IGSF10: variants seen among roughly 807,000 people sequenced by gnomAD.
The protein encoded by IGSF10 is immunoglobulin superfamily member 10, also known as calvaria mechanical force protein 608.
Under a neutral mutation model 128.2 loss-of-function variants are expected in IGSF10, and 126 were observed. The ratio of observed to expected loss-of-function variants is 0.98; its 90% CI spans 0.85 to 1.14. IGSF10 has a LOEUF of 1.14. IGSF10 is among the 50% of genes most tolerant of loss of function. IGSF10 has a pLI of 0.00. For synonymous variants in IGSF10, 1,185 were observed against 1,146.2 expected (o/e 1.03, Z -0.68); for missense variants, 3,295 against 3,149.8 (o/e 1.05, Z -1.10).
At chr3:151,548,835 T>C in the IGSF10 span, among the ~76,000 whole-genome samples, 1 of 151,958 alleles carries the variant, frequency 6.6e-6, no homozygotes, top group Non-Finnish European at 1.5e-5. Context: ...TTTTCTTTTA[T>C]TTTCCAGCTC....
At chr3:151,520,256 A>T in the IGSF10 span, among the ~76,000 whole-genome samples, 3 of 151,832 alleles carry the variant, frequency 2.0e-5, no homozygotes, top group Middle Eastern at 3.2e-3. Flanking sequence ...GTTTTATAGA[A>T]TACTGCAGAG....
At chr3:151,566,046 A>T in the IGSF10 span, 20 of 153,580 alleles carry the variant, frequency 1.3e-4, no homozygotes, top group African/African-American at 4.6e-4. Flanking sequence ...GCAGAAAGCA[A>T]CTGAGGCAGT....
chr3:151,460,344 A>C lies in IGSF10; in HGVS notation c.-85T>G. On this transcript the variant is annotated 5_prime_UTR_variant, in exon 2 of 8. Coordinates refer to ENST00000282466, the MANE Select transcript of IGSF10 (RefSeq NM_178822.5). ...TCCCAGGAAATGGAAAATTGTGTCCAAACCTGAGGGAGGAAAAGTTCTCTG... is the reference window on the plus strand; with the variant it reads ...TCCCAGGAAATGGAAAATTGTGTCCCAACCTGAGGGAGGAAAAGTTCTCTG... 1 of 969,466 alleles carries C rather than the reference A, an allele frequency of 1.0e-6. No homozygotes were observed. Among genetic ancestry groups the C allele is most frequent in the Non-Finnish European group, 1.2e-6 (1 of 815,368 alleles). The allele number at this position is 969,466 out of a possible 1,614,324, so 60.1% of individuals were successfully genotyped here.
chr3:151,437,312 C>T lies in IGSF10; in HGVS notation c.7249G>A (p.Val2417Ile). 1 of 1,614,178 alleles carries T rather than the reference C, an allele frequency of 6.2e-7. No homozygotes were observed. Among genetic ancestry groups the T allele is most frequent in the Non-Finnish European group, 8.5e-7 (1 of 1,180,018 alleles). ...GKYRCAARNKVGYIEKLVILE... is the reference protein window; with the variant it reads ...GKYRCAARNKIGYIEKLVILE... Reference sequence around the variant, plus strand: ...ATGACTAATTTCTCAATATAGCCAACTTTATTCCTAGCTGCACAGCGATAT... The same window carrying T: ...ATGACTAATTTCTCAATATAGCCAATTTTATTCCTAGCTGCACAGCGATAT... Residue 2417 changes from valine (V) to isoleucine (I), a missense_variant, in exon 8 of 8, where the codon GTT (valine) becomes ATT (isoleucine). Physicochemically the swap from Val to Ile is conservative, Grantham distance 29. Transcript: ENST00000282466.
the IGSF10 span, among the ~76,000 whole-genome samples, chr3:151,500,275 A>G: frequency 6.6e-6 from 1 of 151,984 alleles, no homozygotes; most frequent in Non-Finnish European, 1.5e-5. Flanking sequence ...GGAAAAGAGA[A>G]TGAATCATGT....
At chr3:151,527,506 C>T in the IGSF10 span, among the ~76,000 whole-genome samples, 1,405 of 152,174 alleles carry the variant, frequency 9.2e-3, 21 homozygotes, top group African/African-American at 0.033. Context: ...TTTGTATTAC[C>T]TTACATGTTA....
chr3:151,436,714 G>A lies in IGSF10; in HGVS notation c.7847C>T (p.Ala2616Val). ...TAKNPLGSDY[A>V]ATYIQVI ...TCAGATTACTTGAATATACGTTGCTGCATAATCACTACCAAGTGGGTTCTT... is the reference window on the plus strand; with the variant it reads ...TCAGATTACTTGAATATACGTTGCTACATAATCACTACCAAGTGGGTTCTT... Residue 2616 changes from alanine (A) to valine (V), a missense_variant, in exon 8 of 8, where the codon GCA becomes GTA. Physicochemically the swap from Ala to Val is moderately conservative, Grantham distance 64. Transcript: ENST00000282466. 1.9e-6 allele frequency: 3 copies of A among 1,611,632 alleles called. No homozygotes were observed. Among genetic ancestry groups the A allele is most frequent in the Non-Finnish European group, 2.5e-6 (3 of 1,178,698 alleles).
At chr3:151,487,173 C>T in the IGSF10 span, among the ~76,000 whole-genome samples, 1 of 152,038 alleles carries the variant, frequency 6.6e-6, no homozygotes, top group Non-Finnish European at 1.5e-5. Flanking sequence ...CACAGAAATA[C>T]AAACTACCAA....
the IGSF10 span, among the ~76,000 whole-genome samples, chr3:151,489,408 G>A: frequency 1.2e-4 from 18 of 152,310 alleles, no homozygotes; most frequent in Admixed American, 7.8e-4. Context: ...TGGGAAGACA[G>A]TGTGGTGATT....
rs1721365612 is a variant in IGSF10, at chr3:151,448,836, C to T, written c.1145G>A (p.Ser382Asn). The change falls in exon 6 of 8, where the codon AGT becomes AAT. Residue 382 changes from serine (S) to asparagine (N), a missense_variant. Coordinates refer to ENST00000282466, the MANE Select transcript of IGSF10 (RefSeq NM_178822.5). ...CCTTTCTAGTATCAGAGGAGAATCA[C>T]TGTACAAAGCCAAAATTTGCCACAC... ...QPVWQILALY[S>N]DSPLILERSH... 1.2e-6 allele frequency: 2 copies of T among 1,613,856 alleles called. No homozygotes were observed. The highest frequency in any genetic ancestry group is 1.1e-5 in the South Asian group (1 of 91,080).
At chr3:151,579,906 G>A in the IGSF10 span, among the ~76,000 whole-genome samples, 1 of 150,898 alleles carries the variant, frequency 6.6e-6, no homozygotes, top group South Asian at 2.1e-4. Context: ...AAGGAAGGAA[G>A]GAAGGAAGGA....
the IGSF10 span, among the ~76,000 whole-genome samples, chr3:151,483,559 C>T: frequency 6.6e-6 from 1 of 152,212 alleles, no homozygotes; most frequent in African/African-American, 2.4e-5. Flanking sequence ...TCTGTAGCTC[C>T]CATCAAGATC....
chr3:151,493,943 G>A, the IGSF10 span, among the ~76,000 whole-genome samples: 1 of 151,992 alleles, frequency 6.6e-6, no homozygotes, highest in East Asian at 1.9e-4. Flanking sequence ...AAATTTTAGG[G>A]GGTAATTTGT....
the IGSF10 span, among the ~76,000 whole-genome samples, chr3:151,524,596 A>G: frequency 1.3e-5 from 2 of 152,130 alleles, no homozygotes; most frequent in Non-Finnish European, 1.5e-5. Context: ...GTGAACCCAA[A>G]GAAGGAAACA....
chr3:151,543,440 C>T, the IGSF10 span, among the ~76,000 whole-genome samples: 2,458 of 152,246 alleles, frequency 0.016, 21 homozygotes, highest in South Asian at 0.026. Flanking sequence ...CTCTCCCTTG[C>T]CTTCAGGGTC....
chr3:151,568,574 G>A, the IGSF10 span, among the ~76,000 whole-genome samples: 2 of 152,146 alleles, frequency 1.3e-5, no homozygotes, highest in Admixed American at 6.5e-5. Context: ...ACCCCTGTGT[G>A]TAATAAGCTG....
chr3:151,617,191 TC>T, the IGSF10 span, among the ~76,000 whole-genome samples: 1 of 122,568 alleles, frequency 8.2e-6, no homozygotes. Flanking sequence ...TGCCTCCTCC[TC>T]CTTCTTTCCT....
Position 151,438,282 on chromosome 3 carries a change from A to G in IGSF10, c.6279T>C (p.Thr2093=). ...CATTGTTGAAAAGGGTATATCTCCT[A>G]GTCCTGTGGCCACTGTCATCGGCTT... is the stretch of plus-strand genomic sequence containing the variant. ...AMQADDSGHR[T]RRYTLFNNGT... is the part of the protein sequence containing the mutation. The change falls in exon 8 of 8, where the codon ACT becomes ACC. Residue 2093 remains threonine (T), a synonymous_variant. Transcript: ENST00000282466. 6.2e-7 allele frequency: 1 copy of G among 1,614,156 alleles called. No individual in the cohort carries two copies. Among genetic ancestry groups the G allele is most frequent in the Non-Finnish European group, 8.5e-7 (1 of 1,180,010 alleles).
chr3:151,516,516 T>C, the IGSF10 span, among the ~76,000 whole-genome samples: 1 of 152,036 alleles, frequency 6.6e-6, no homozygotes. Flanking sequence ...GCCCAATGTA[T>C]GTGAGAAATT....
Sources: allele counts gnomAD v4.1 joint callset (sites outside exome capture counted in the v4.1 genomes callset), GRCh38; gene constraint gnomAD v4.1.1; transcripts MANE v1.5; gene names NCBI Gene and HGNC (gene_info 2026-07-23, HGNC 2026-07-21).